SYT10: variants seen among roughly 807,000 people sequenced by gnomAD.
SYT10 encodes the protein synaptotagmin-10.
A neutral mutation model predicts 51.1 loss-of-function variants in SYT10; 31 were observed. That is an observed-to-expected ratio of 0.61 (90% CI 0.46 to 0.82). SYT10 has a LOEUF of 0.82. Ranked by LOEUF, SYT10 falls within the 40% of genes least tolerant of loss-of-function variation. The pLI is 0.00. For missense variants in SYT10, 603 were observed against 634.0 expected (o/e 0.95, Z 0.53); for synonymous variants, 233 against 225.9 (o/e 1.03, Z -0.28).
rs1314255683 is a variant in SYT10 at position 33,434,713 on chromosome 12, G to A, written c.151+4659C>T. On this transcript the variant is annotated intron_variant, in intron 1 of 6. Transcript: ENST00000228567. The stretch of plus-strand genomic sequence containing the variant: ...CCAGCTACTTGGGAGGCTGAGGCAG[G>A]AGAATCGCTTGAACTTGGGAGGCGG... 2.6e-5 allele frequency among the ~76,000 whole-genome samples: 4 copies of A among 152,312 alleles called. No individual in the cohort carries two copies. The South Asian group carries it at 6.2e-4, about 24-fold the overall frequency.
chr12:33,377,365 G>A (rs1366438870), intron 6 of SYT10, among the ~76,000 whole-genome samples: 2 of 151,434 alleles, frequency 1.3e-5, no homozygotes, highest in Admixed American at 1.3e-4. Context: ...TAGAGATCGG[G>A]TTTCACCATG....
chr12:33,415,595 T>A (rs1866445852), intron 2 of SYT10, among the ~76,000 whole-genome samples: 1 of 152,222 alleles, frequency 6.6e-6, no homozygotes, highest in Admixed American at 6.5e-5. Flanking sequence ...TATTTAATAA[T>A]TAAATGTTTA....
intron 3 of SYT10, among the ~76,000 whole-genome samples, chr12:33,400,414 C>T (rs568508308): frequency 1.5e-3 from 221 of 152,174 alleles, no homozygotes; most frequent in African/African-American, 5.0e-3. Flanking sequence ...TACAACAGTT[C>T]CTTTGTACTT....
chr12:33,400,344 G>C (rs1866291993), intron 3 of SYT10, among the ~76,000 whole-genome samples: 1 of 152,158 alleles, frequency 6.6e-6, no homozygotes, highest in Non-Finnish European at 1.5e-5. Flanking sequence ...AATAAAATAT[G>C]TTATTTCAAA....
At chr12:33,394,546 G>A (rs1370973449) in intron 3 of SYT10, among the ~76,000 whole-genome samples, 2 of 152,168 alleles carry the variant, frequency 1.3e-5, no homozygotes, top group Non-Finnish European at 2.9e-5. Context: ...AGGGATAACT[G>A]ACAATTAGAA....
chr12:33,431,538 G>A (rs754232152), intron 1 of SYT10, among the ~76,000 whole-genome samples: 1 of 151,856 alleles, frequency 6.6e-6, no homozygotes, highest in African/African-American at 2.4e-5. Flanking sequence ...TACATTAATT[G>A]TAATTATTTA....
intron 6 of SYT10, 58 bp downstream of exon 6, chr12:33,379,774 T>C: frequency 6.3e-7 from 1 of 1,589,926 alleles, no homozygotes; most frequent in South Asian, 1.1e-5. Flanking sequence ...AGCAAATAAA[T>C]AATATTTAAG....
Position 33,423,668 on chromosome 12 carries a change from G to C in SYT10, c.509+2470C>G, listed in dbSNP as rs188124177. Among the ~76,000 whole-genome samples, 18 of 152,196 alleles carry C rather than the reference G, an allele frequency of 1.2e-4. No individual in the cohort carries two copies. In the East Asian group the frequency reaches 2.5e-3, roughly 21 times the overall value. On this transcript the variant is annotated intron_variant, in intron 2 of 6. Coordinates refer to ENST00000228567, the MANE Select transcript of SYT10 (RefSeq NM_198992.4). ...CAATTCCAGATTTTTAATTGAGTATGATGAACAGGAAGATGCTGTTATTCT... is the reference window on the plus strand; with the variant it reads ...CAATTCCAGATTTTTAATTGAGTATCATGAACAGGAAGATGCTGTTATTCT...
intron 6 of SYT10, among the ~76,000 whole-genome samples, chr12:33,377,788 C>T (rs548768524): frequency 1.7e-4 from 26 of 151,526 alleles, no homozygotes; most frequent in Non-Finnish European, 2.9e-4. Context: ...CCACCAAGCC[C>T]GGCTAATTTT....
intron 2 of SYT10, among the ~76,000 whole-genome samples, chr12:33,411,496 AT>A (rs1866404624): frequency 6.6e-6 from 1 of 151,330 alleles, no homozygotes. Flanking sequence ...GAAATGACAT[AT>A]TTTGAAAATA....
intron 3 of SYT10, among the ~76,000 whole-genome samples, chr12:33,401,311 C>T (rs1866302402): frequency 6.6e-6 from 1 of 152,104 alleles, no homozygotes; most frequent in Admixed American, 6.6e-5. Context: ...ATAGGGTACA[C>T]ACTGTTTTTT....
intron 5 of SYT10, among the ~76,000 whole-genome samples, chr12:33,380,177 A>T (rs781520465): frequency 6.6e-6 from 1 of 152,202 alleles, no homozygotes; most frequent in Non-Finnish European, 1.5e-5. Context: ...AGGCACACAC[A>T]AACCATTTCA....
In SYT10 at chr12:33,405,663, G is replaced by T. The variant is rs558163990; in HGVS notation, c.1077+1126C>A. 8.6e-5 allele frequency: 13 copies of T among 151,970 alleles called. No individual in the cohort carries two copies. The Middle Eastern group carries it at 0.014, about 160-fold the overall frequency. The allele number at this position is 151,970 out of a possible 1,614,324, so 9.4% of individuals were successfully genotyped here. A position where few individuals can be genotyped will look rare whatever the true frequency, so the allele number is the denominator to read the frequency against. ...ATGCTTATATTTTAAATAATCCCTT[G>T]TCTCTGTTCAAAACTTCAACATTTT... On this transcript the variant is annotated intron_variant, in intron 3 of 6. Coordinates refer to ENST00000228567, the MANE Select transcript of SYT10 (RefSeq NM_198992.4).
At chr12:33,387,324 T>A (rs1866165214) in intron 3 of SYT10, among the ~76,000 whole-genome samples, 1 of 152,204 alleles carries the variant, frequency 6.6e-6, no homozygotes, top group Admixed American at 6.5e-5. Flanking sequence ...AATTAAGTTT[T>A]TAATCTCCAA....
intron 3 of SYT10, among the ~76,000 whole-genome samples, chr12:33,389,557 G>C (rs1364754293): frequency 1.3e-5 from 2 of 152,058 alleles, no homozygotes; most frequent in Non-Finnish European, 2.9e-5. Flanking sequence ...GGCCATTGAA[G>C]TAAAGTTGGT....
intron 4 of SYT10, among the ~76,000 whole-genome samples, chr12:33,384,495 A>C (rs1463364179): frequency 1.3e-5 from 2 of 151,896 alleles, no homozygotes; most frequent in Non-Finnish European, 2.9e-5. Context: ...TTCCCTTATC[A>C]TTTTTCTTCC....
Position 33,407,082 on chromosome 12 carries a change from C to T in SYT10, c.784G>A (p.Asp262Asn). Residue 262 changes from aspartate (D) to asparagine (N), a missense_variant, in exon 3 of 7, where the codon GAC (aspartate) becomes AAC (asparagine). By Grantham distance (23) the Asp-to-Asn change is conservative. Transcript: ENST00000228567. ...TAAGGGTCAGAAGTTCCTGTGAAGT[C>T]TTTAGCAGGGAGATCTAAAGCTTTG... is the stretch of plus-strand genomic sequence containing the variant. ...IIKALDLPAK[D>N]FTGTSDPYVK... 1 of 1,614,036 alleles carries T rather than the reference C, an allele frequency of 6.2e-7. No individual in the cohort carries two copies. The highest frequency in any genetic ancestry group is 8.5e-7 in the Non-Finnish European group (1 of 1,180,006).
intron 2 of SYT10, among the ~76,000 whole-genome samples, chr12:33,423,671 G>C (rs1866524876): frequency 6.6e-6 from 1 of 152,052 alleles, no homozygotes; most frequent in African/African-American, 2.4e-5. Context: ...TGAGTATGAT[G>C]AACAGGAAGA....
At position 33,393,366 on chromosome 12, in the gene SYT10, C is replaced by T. The variant is rs531341741; in HGVS notation, c.1078-8075G>A. ...CAGAGACTTATTCTCAAACTTCCAT[C>T]ATCATTTACAGATAGGGGCATGAAA... On this transcript the variant is annotated intron_variant, in intron 3 of 6. Coordinates refer to ENST00000228567, the MANE Select transcript of SYT10 (RefSeq NM_198992.4). 1.4e-4 allele frequency among the ~76,000 whole-genome samples: 21 copies of T among 152,288 alleles called. No homozygotes were observed. In the South Asian group the frequency reaches 2.9e-3, roughly 21 times the overall value.
Sources: gnomAD v4.1 joint callset for allele counts (sites outside exome capture counted in the v4.1 genomes callset) on GRCh38, gnomAD v4.1.1 for gene constraint, MANE v1.5 for transcripts, NCBI Gene and HGNC (gene_info 2026-07-23, HGNC 2026-07-21) for gene names.